TARS1: variants seen among roughly 807,000 people sequenced by gnomAD.
TARS1 encodes threonine--tRNA ligase 1, cytoplasmic.
TARS1 carries 57 observed loss-of-function variants against 97.7 expected under a neutral mutation model. That is an observed-to-expected ratio of 0.58 (90% CI 0.47 to 0.73). The LOEUF (loss-of-function observed/expected upper bound fraction) is 0.73. Among genes scored for constraint, TARS1 ranks in the 30% least tolerant of loss-of-function variants. TARS1 has a pLI of 0.00. For missense variants in TARS1, 806 were observed against 888.3 expected (o/e 0.91, Z 1.18); for synonymous variants, 312 against 293.7 (o/e 1.06, Z -0.64).
intron 1 of TARS1, 65 bp downstream of exon 1, chr5:33,441,208 G>C: frequency 1.3e-6 from 2 of 1,591,972 alleles, no homozygotes; most frequent in Non-Finnish European, 8.6e-7. Flanking sequence ...CGCTACGCTC[G>C]CGGCGGGAGC....
chr5:33,461,935 G>T lies in TARS1; in HGVS notation c.1659G>T (p.Gly553=). 1 of 1,614,002 alleles carries T rather than the reference G, an allele frequency of 6.2e-7. No individual in the cohort carries two copies. Among genetic ancestry groups the T allele is most frequent in the East Asian group, 2.2e-5 (1 of 44,866 alleles). Reference sequence around the variant, plus strand: ...ACATACAGATTAAAGATGCGATTGGGCGGTACCACCAGTGTGCAACCATCC... The same window carrying T: ...ACATACAGATTAAAGATGCGATTGGTCGGTACCACCAGTGTGCAACCATCC... The part of the protein sequence containing the change: ...KIDIQIKDAI[G]RYHQCATIQL... Residue 553 remains glycine (G), a synonymous_variant, in exon 15 of 19, where the codon GGG becomes GGT. Transcript: ENST00000265112.
At chr5:33,445,430 CTG>C in intron 2 of TARS1, 26 bp downstream of exon 2, 1 of 1,604,016 alleles carries the variant, frequency 6.2e-7, no homozygotes. Flanking sequence ...ACAGAGGGCT[CTG>C]TTATCAGAGG....
chr5:33,443,709 A>G (rs1741266341), intron 1 of TARS1, among the ~76,000 whole-genome samples: 3 of 151,946 alleles, frequency 2.0e-5, no homozygotes, highest in Admixed American at 1.3e-4. Context: ...GTTAGCCAGG[A>G]TGGTCTCGAT....
In TARS1 at chr5:33,460,048, A is replaced by T. The variant is rs868528181; in HGVS notation, c.1250+187A>T. 8.1e-3 allele frequency: 3,228 copies of T among 396,670 alleles called. 43 individuals carry two copies. The highest frequency in any genetic ancestry group is 0.047 in the African/African-American group (2,133 of 44,910). The allele number at this position is 396,670 out of a possible 1,614,324, so 24.6% of individuals were successfully genotyped here. ...CCCCACTTTTTTTTTTTTTTTTTTT[A>T]AAGAGGTCTTCCAACTGGAGTGCAG... On this transcript the variant is annotated intron_variant, in intron 11 of 18. Coordinates refer to ENST00000265112, the MANE Select transcript of TARS1 (RefSeq NM_152295.5).
In TARS1 at chr5:33,453,049, G is replaced by C. The variant is rs138020828; in HGVS notation, c.330-240G>C. On this transcript the variant is annotated intron_variant, in intron 3 of 18. Transcript: ENST00000265112. ...CTTATTTATCAGAGTTGCCATATCT[G>C]CTTAAACAGGAGGCATTCAATGTCA... Among the ~76,000 whole-genome samples the C allele has an allele frequency of 7.2e-5, 11 of 152,092 alleles. No individual in the cohort carries two copies. The East Asian group carries it at 1.9e-3, about 27-fold the overall frequency.
intron 3 of TARS1, among the ~76,000 whole-genome samples, chr5:33,449,357 A>G (rs1044326174): frequency 1.2e-4 from 18 of 148,190 alleles, no homozygotes; most frequent in African/African-American, 4.3e-4. Context: ...ATATATATAT[A>G]TCTTAAACTG....
intron 18 of TARS1, 68 bp from the exon 19 acceptor site, chr5:33,467,492 A>C: frequency 1.5e-5 from 23 of 1,550,168 alleles, no homozygotes; most frequent in Non-Finnish European, 2.0e-5. Flanking sequence ...ATTTCTTTTC[A>C]GATGTTCAGT....
At chr5:33,446,603 C>T (rs1456273428) in intron 2 of TARS1, 1 of 1,178,486 alleles carries the variant, frequency 8.5e-7, no homozygotes, top group Non-Finnish European at 1.1e-6. Context: ...TCTTCCCCTC[C>T]AAGGGCAACT....
chr5:33,467,486 C>A, intron 18 of TARS1, 74 bp from the exon 19 acceptor site: 2 of 1,538,710 alleles, frequency 1.3e-6, no homozygotes, highest in Non-Finnish European at 1.8e-6. Context: ...AGGATCATTT[C>A]TTTTCAGATG....
At chr5:33,460,704 T>C (rs997974576) in intron 11 of TARS1, among the ~76,000 whole-genome samples, 198 bp from the exon 12 acceptor site, 1 of 152,244 alleles carries the variant, frequency 6.6e-6, no homozygotes, top group African/African-American at 2.4e-5. Context: ...TTCACTGTGG[T>C]TCATTGAGTT....
At chr5:33,452,473 ACT>A (rs1741793526) in intron 3 of TARS1, 5 of 1,490,708 alleles carry the variant, frequency 3.4e-6, no homozygotes, top group Non-Finnish European at 4.5e-6. Flanking sequence ...TTTCCAGATG[ACT>A]CTGACCTGTA....
intron 2 of TARS1, among the ~76,000 whole-genome samples, chr5:33,447,474 T>C (rs1446114314): frequency 6.6e-6 from 1 of 152,192 alleles, no homozygotes; most frequent in Non-Finnish European, 1.5e-5. Flanking sequence ...ATCGAACTCC[T>C]GGCCTCAAGT....
chr5:33,448,273 C>T (rs1741519797), intron 2 of TARS1, among the ~76,000 whole-genome samples: 1 of 152,152 alleles, frequency 6.6e-6, no homozygotes, highest in South Asian at 2.1e-4. Flanking sequence ...CCTAAGAAGA[C>T]ATCTTAAAAG....
At chr5:33,461,099 A>G (rs1742268952) in intron 12 of TARS1, 35 bp downstream of exon 12, 4 of 1,606,944 alleles carry the variant, frequency 2.5e-6, no homozygotes, top group Non-Finnish European at 3.4e-6. Flanking sequence ...CTTAGAAAGA[A>G]GAGTCAAGAA....
Position 33,443,501 on chromosome 5 carries a change from T to C in TARS1, c.58-1823T>C, listed in dbSNP as rs190559354. ...TTTTTTTTTTTTTTTTTGTTGTCGT[T>C]GTTGTTGTTGAAATGGAGTCTTGCT... On this transcript the variant is annotated intron_variant, in intron 1 of 18. Coordinates refer to ENST00000265112, the MANE Select transcript of TARS1 (RefSeq NM_152295.5). Among the ~76,000 whole-genome samples the C allele has an allele frequency of 8.1e-3, 1,203 of 149,344 alleles. 16 individuals carry two copies. Among genetic ancestry groups the C allele is most frequent in the African/African-American group, 0.029 (1,167 of 40,456 alleles).
In TARS1 at chr5:33,459,826, G is replaced by A. The variant is rs754889628; in HGVS notation, c.1215G>A (p.Leu405=). 1.4e-5 allele frequency: 22 copies of A among 1,614,000 alleles called. No homozygotes were observed. Among genetic ancestry groups the A allele is most frequent in the Admixed American group, 3.3e-5 (2 of 60,002 alleles). The change falls in exon 11 of 19, where the codon CTG becomes CTA. Residue 405 remains leucine (L), a synonymous_variant. Coordinates refer to ENST00000265112, the MANE Select transcript of TARS1 (RefSeq NM_152295.5). ...NMFSFEVEKE[L]FALKPMNCPG... is the part of the protein sequence containing the mutation. Reference sequence around the variant, plus strand: ...TCTCCTTTGAGGTGGAGAAGGAGCTGTTTGCCCTGAAACCCATGAACTGCC... The same window carrying A: ...TCTCCTTTGAGGTGGAGAAGGAGCTATTTGCCCTGAAACCCATGAACTGCC...
chr5:33,441,601 C>A (rs1278615632), intron 1 of TARS1: 1 of 163,038 alleles, frequency 6.1e-6, no homozygotes, highest in African/African-American at 2.4e-5. Flanking sequence ...GAGATCTGAC[C>A]CAGCTTGTCC....
intron 3 of TARS1, among the ~76,000 whole-genome samples, chr5:33,449,391 A>G (rs992960417): frequency 2.7e-5 from 4 of 147,594 alleles, no homozygotes; most frequent in African/African-American, 1.0e-4. Context: ...TCTAGTCATA[A>G]TCTGTTTGTG....
chr5:33,445,234 A>G, intron 1 of TARS1, 90 bp from the exon 2 acceptor site: 2 of 961,026 alleles, frequency 2.1e-6, no homozygotes, highest in South Asian at 3.5e-5. Context: ...AATAACAAAT[A>G]CTAAAATAAC....
Sources: allele counts gnomAD v4.1 joint callset (sites outside exome capture counted in the v4.1 genomes callset), GRCh38; gene constraint gnomAD v4.1.1; transcripts MANE v1.5; gene names NCBI Gene and HGNC (gene_info 2026-07-23, HGNC 2026-07-21).